NDUFS4: variants seen among roughly 807,000 people sequenced by gnomAD.
NDUFS4 encodes NADH dehydrogenase [ubiquinone] iron-sulfur protein 4, mitochondrial.
NDUFS4 carries 28 observed loss-of-function variants against 24.3 expected under a neutral mutation model. That is an observed-to-expected ratio of 1.15 (90% CI 0.85 to 1.58). The LOEUF is 1.58. Ranked by LOEUF, NDUFS4 falls within the 40% of genes most tolerant of loss-of-function variation. The pLI is 0.00. For synonymous variants in NDUFS4, 93 were observed against 69.7 expected (o/e 1.34, Z -1.67); for missense variants, 223 against 207.9 (o/e 1.07, Z -0.45).
chr5:53,574,089 C>CT (rs761779941), intron 1 of NDUFS4, among the ~76,000 whole-genome samples: 1 of 152,226 alleles, frequency 6.6e-6, no homozygotes, highest in East Asian at 1.9e-4. Flanking sequence ...TTTCCAATCA[C>CT]TAGGTCTTTT....
chr5:53,639,726 A>G (rs911940933), intron 2 of NDUFS4, among the ~76,000 whole-genome samples: 6 of 152,150 alleles, frequency 3.9e-5, no homozygotes, highest in African/African-American at 1.4e-4. Context: ...AGGCAGTTAT[A>G]AAAAATATCA....
At position 53,627,110 on chromosome 5, in the gene NDUFS4, G is replaced by A. The variant is rs906360601; in HGVS notation, c.178-19123G>A. ...TCAGCTTTCTACATATGGCTAGCCA[G>A]TTCCCAGCACCATTTATTAAAAAGG... On this transcript the variant is annotated intron_variant, in intron 2 of 4. Transcript: ENST00000296684. Among the ~76,000 whole-genome samples, 2 of 151,628 alleles carry A rather than the reference G, an allele frequency of 1.3e-5. 1 individual carries two copies.
At chr5:53,630,527 A>G (rs1384817471) in intron 2 of NDUFS4, among the ~76,000 whole-genome samples, 2 of 151,946 alleles carry the variant, frequency 1.3e-5, no homozygotes, top group Non-Finnish European at 2.9e-5. Context: ...AATCAAACGT[A>G]TATTTGGTCT....
rs1310280841 is a variant in NDUFS4, at chr5:53,618,908, G to A, written c.177+15378G>A. ...GTGGGTGGATTGCCTGAGCTCAGGAGTTCAAGACCAGCCTGGGCAACATGG... is the reference window on the plus strand; with the variant it reads ...GTGGGTGGATTGCCTGAGCTCAGGAATTCAAGACCAGCCTGGGCAACATGG... On this transcript the variant is annotated intron_variant, in intron 2 of 4. Transcript: ENST00000296684. 2.6e-5 allele frequency among the ~76,000 whole-genome samples: 4 copies of A among 151,262 alleles called. No homozygotes were observed. The South Asian group carries it at 6.3e-4, about 24-fold the overall frequency.
intron 1 of NDUFS4, among the ~76,000 whole-genome samples, chr5:53,560,966 G>A (rs1161708604): frequency 6.6e-6 from 1 of 152,146 alleles, no homozygotes; most frequent in African/African-American, 2.4e-5. Flanking sequence ...CCGGGGAGGA[G>A]GACCTGTGGT....
chr5:53,591,461 T>TGGGGG (rs374748766), intron 1 of NDUFS4, among the ~76,000 whole-genome samples: 20 of 81,178 alleles, frequency 2.5e-4, no homozygotes, highest in South Asian at 5.5e-4. Flanking sequence ...TTGTTTTTTT[T>TGGGGG]GGGGGGGGGG....
intron 3 of NDUFS4, among the ~76,000 whole-genome samples, chr5:53,647,704 ACT>A (rs559083299): frequency 6.6e-5 from 10 of 152,020 alleles, no homozygotes; most frequent in Non-Finnish European, 1.2e-4. Context: ...TCGTATTGAA[ACT>A]CTGAGAACAT....
rs75905587 is a variant in NDUFS4 at position 53,665,813 on chromosome 5, G to A, written c.424+7189G>A. 7.3e-3 allele frequency among the ~76,000 whole-genome samples: 1,112 copies of A among 152,234 alleles called. 13 individuals are homozygous for A. The highest frequency in any genetic ancestry group is 0.025 in the African/African-American group (1,053 of 41,534). ...CCTCGCCCTGCTTGGGCTCACACTC[G>A]GTGTGCTCCACCCACTGTCCTGCAC... is the stretch of plus-strand genomic sequence containing the variant. On this transcript the variant is annotated intron_variant, in intron 4 of 4. Coordinates refer to ENST00000296684, the MANE Select transcript of NDUFS4 (RefSeq NM_002495.4).
rs973723751 is a variant in NDUFS4, at chr5:53,659,908, G to A, written c.424+1284G>A. Among the ~76,000 whole-genome samples the A allele has an allele frequency of 5.9e-5, 9 of 152,084 alleles. No homozygotes were observed. In the South Asian group the frequency reaches 1.7e-3, roughly 28 times the overall value. ...CCTCATACGTGCAATGAGAATTGCT[G>A]TGGTGATTAAATGAGTTAATAAAAG... On this transcript the variant is annotated intron_variant, in intron 4 of 4. Transcript: ENST00000296684.
intron 1 of NDUFS4, among the ~76,000 whole-genome samples, chr5:53,600,142 G>C (rs973531579): frequency 5.3e-5 from 8 of 151,940 alleles, no homozygotes; most frequent in African/African-American, 1.9e-4. Flanking sequence ...TGGGGTTACA[G>C]GCATGCACCA....
intron 2 of NDUFS4, chr5:53,604,710 G>A (rs2112458600): frequency 2.2e-6 from 1 of 455,190 alleles, no homozygotes; most frequent in Non-Finnish European, 4.4e-6. Context: ...TTTAGCTCCT[G>A]CCTTCCTCTC....
At chr5:53,601,339 T>G (rs770192557) in intron 1 of NDUFS4, among the ~76,000 whole-genome samples, 2 of 152,150 alleles carry the variant, frequency 1.3e-5, no homozygotes, top group African/African-American at 2.4e-5. Context: ...AACTTTATTA[T>G]TACAATTAGT....
chr5:53,580,499 G>T (rs1307480729), intron 1 of NDUFS4, among the ~76,000 whole-genome samples: 3 of 152,156 alleles, frequency 2.0e-5, no homozygotes, highest in African/African-American at 7.2e-5. Flanking sequence ...CTTCATGAAA[G>T]ATGTGATTCT....
intron 2 of NDUFS4, among the ~76,000 whole-genome samples, chr5:53,606,171 G>A (rs548881594): frequency 2.2e-3 from 334 of 152,112 alleles, no homozygotes; most frequent in Non-Finnish European, 3.5e-3. Flanking sequence ...GTGACAGAGC[G>A]AGACTCTGTC....
chr5:53,657,310 T>G (rs1752192560), intron 3 of NDUFS4, among the ~76,000 whole-genome samples: 1 of 152,176 alleles, frequency 6.6e-6, no homozygotes, highest in Admixed American at 6.5e-5. Flanking sequence ...GCCAGCCATA[T>G]GAAGCTCTTT....
intron 4 of NDUFS4, among the ~76,000 whole-genome samples, chr5:53,661,981 C>T (rs370270626): frequency 9.1e-4 from 139 of 152,214 alleles, no homozygotes; most frequent in African/African-American, 3.1e-3. Flanking sequence ...AATTGAATAC[C>T]CTTTATTTCC....
intron 3 of NDUFS4, among the ~76,000 whole-genome samples, chr5:53,655,133 A>G (rs1046613972): frequency 3.3e-5 from 5 of 152,186 alleles, no homozygotes; most frequent in Non-Finnish European, 5.9e-5. Flanking sequence ...CAGGCTTAAT[A>G]TTGCTTTTTA....
chr5:53,643,577 G>A (rs1305082686), intron 2 of NDUFS4, among the ~76,000 whole-genome samples: 1 of 152,098 alleles, frequency 6.6e-6, no homozygotes, highest in Non-Finnish European at 1.5e-5. Context: ...TTAGCCCATT[G>A]AAATGTGCTT....
At chr5:53,664,086 T>G (rs1752433031) in intron 4 of NDUFS4, among the ~76,000 whole-genome samples, 1 of 152,210 alleles carries the variant, frequency 6.6e-6, no homozygotes, top group Non-Finnish European at 1.5e-5. Flanking sequence ...TCTCCTTCAC[T>G]TATGAAGCTT....
Sources: gnomAD v4.1 joint callset for allele counts (sites outside exome capture counted in the v4.1 genomes callset) on GRCh38, gnomAD v4.1.1 for gene constraint, MANE v1.5 for transcripts, NCBI Gene and HGNC (gene_info 2026-07-23, HGNC 2026-07-21) for gene names.